Variants in NVL observed in about 807,000 individuals in gnomAD.
The protein encoded by NVL is nuclear valosin-containing protein-like.
In NVL, 84 loss-of-function variants were observed where a neutral mutation model predicts 110.2. The observed-to-expected ratio is 0.76, with a 90% CI of 0.64 to 0.91. The LOEUF (loss-of-function observed/expected upper bound fraction) is 0.91. Among genes scored for constraint, NVL ranks in the 40% least tolerant of loss-of-function variants. NVL has a pLI of 0.00. For missense variants in NVL, 882 were observed against 1,035.9 expected (o/e 0.85, Z 2.04); for synonymous variants, 354 against 361.1 (o/e 0.98, Z 0.22).
intron 10 of NVL, among the ~76,000 whole-genome samples, chr1:224,298,798 CAGTT>C (rs1485369194): frequency 6.6e-6 from 1 of 152,062 alleles, no homozygotes; most frequent in Non-Finnish European, 1.5e-5. Flanking sequence ...ACAAATTACT[CAGTT>C]GGTTAGAAAA....
At chr1:224,237,260 AAGAAAT>A (rs1388199251) in intron 19 of NVL, among the ~76,000 whole-genome samples, 2 of 152,226 alleles carry the variant, frequency 1.3e-5, no homozygotes, top group Non-Finnish European at 2.9e-5. Context: ...GCTAGGACGG[AAGAAAT>A]AATACTGAAC....
At chr1:224,230,034 G>A (rs976753425) in intron 22 of NVL, among the ~76,000 whole-genome samples, 1 of 151,970 alleles carries the variant, frequency 6.6e-6, no homozygotes, top group African/African-American at 2.4e-5. Flanking sequence ...GTCTCACCAT[G>A]TTGCCCAGGC....
chr1:224,328,912 A>G (rs1156561641), intron 1 of NVL, among the ~76,000 whole-genome samples: 1 of 152,170 alleles, frequency 6.6e-6, no homozygotes, highest in Non-Finnish European at 1.5e-5. Context: ...GTTAGCAGTC[A>G]TAAATATACA....
intron 11 of NVL, 140 bp from the exon 12 acceptor site, chr1:224,294,551 T>C (rs1204641214): frequency 2.7e-6 from 2 of 753,796 alleles, no homozygotes; most frequent in Non-Finnish European, 4.3e-6. Context: ...ATTTATTAAA[T>C]GTCAAATATG....
rs1670616371 is a variant in NVL, at chr1:224,321,268, T to TA, written c.132-3339dup. Among the ~76,000 whole-genome samples the TA allele has an allele frequency of 2.6e-5, 4 of 151,816 alleles. No individual in the cohort carries two copies. The South Asian group carries it at 8.3e-4, about 32-fold the overall frequency. ...TCCAAAAAATAAATAAATAATTAAT[T>TA]AAAAATTAAACAAAGAGAGAAAGAA... On this transcript the variant is annotated intron_variant, in intron 2 of 22. Coordinates refer to ENST00000281701, the MANE Select transcript of NVL (RefSeq NM_002533.4).
intron 22 of NVL, among the ~76,000 whole-genome samples, chr1:224,228,924 CAAAA>C (rs368485856): frequency 2.4e-5 from 2 of 81,686 alleles, no homozygotes; most frequent in African/African-American, 1.0e-4. Flanking sequence ...GACTCCGTCT[CAAAA>C]AAAAAAAAAA....
At chr1:224,251,752 C>A (rs1229464145) in intron 18 of NVL, among the ~76,000 whole-genome samples, 2 of 152,140 alleles carry the variant, frequency 1.3e-5, no homozygotes, top group African/African-American at 4.8e-5. Context: ...ATAATGATCA[C>A]CACACCACTC....
At chr1:224,328,111 G>A (rs1161703606) in intron 1 of NVL, among the ~76,000 whole-genome samples, 1 of 152,038 alleles carries the variant, frequency 6.6e-6, no homozygotes, top group African/African-American at 2.4e-5. Flanking sequence ...TGGGATACAT[G>A]TGCAGAACAT....
intron 14 of NVL, among the ~76,000 whole-genome samples, 161 bp downstream of exon 14, chr1:224,287,614 A>T (rs1164577193): frequency 2.0e-5 from 3 of 152,192 alleles, no homozygotes; most frequent in Admixed American, 2.0e-4. Context: ...AAGAAAAACC[A>T]TTGTTGGGGG....
At chr1:224,264,535 C>T (rs946598521) in intron 18 of NVL, among the ~76,000 whole-genome samples, 1 of 152,092 alleles carries the variant, frequency 6.6e-6, no homozygotes, top group South Asian at 2.1e-4. Context: ...GTCACTGCAT[C>T]CAGCCACAAA....
chr1:224,305,517 T>A (rs1040554688), intron 6 of NVL: 1 of 171,266 alleles, frequency 5.8e-6, no homozygotes, highest in African/African-American at 2.4e-5. Context: ...ATCTTAACAT[T>A]TGAATGCCGC....
At chr1:224,278,231 T>C (rs1332918247) in intron 16 of NVL, among the ~76,000 whole-genome samples, 2 of 145,272 alleles carry the variant, frequency 1.4e-5, no homozygotes, top group African/African-American at 5.1e-5. Context: ...CTAATCTTTT[T>C]TTTTTTTTTT....
intron 13 of NVL, 116 bp from the exon 14 acceptor site, chr1:224,288,109 C>T (rs576550605): frequency 1.1e-5 from 8 of 702,866 alleles, no homozygotes; most frequent in South Asian, 3.9e-5. Context: ...CTATCCTGAA[C>T]GTCTATGTAT....
chr1:224,271,484 C>A (rs1303171415), intron 17 of NVL, among the ~76,000 whole-genome samples: 1 of 151,948 alleles, frequency 6.6e-6, no homozygotes, highest in African/African-American at 2.4e-5. Flanking sequence ...CAGGGTAAGA[C>A]CCTGTCTCAA....
intron 8 of NVL, among the ~76,000 whole-genome samples, chr1:224,304,152 C>T (rs4653575): frequency 0.86 from 130,952 of 152,114 alleles, 57,713 homozygotes; most frequent in Non-Finnish European, 0.94. Flanking sequence ...TACGGCCAGG[C>T]ATGGTGGCTC....
At chr1:224,236,769 G>A in intron 19 of NVL, 187 bp from the exon 20 acceptor site, 1 of 479,386 alleles carries the variant, frequency 2.1e-6, no homozygotes, top group Non-Finnish European at 3.9e-6. Flanking sequence ...AAATTAGCTG[G>A]GCGTTATGGT....
intron 18 of NVL, among the ~76,000 whole-genome samples, chr1:224,261,705 A>C (rs910370705): frequency 6.6e-6 from 1 of 152,200 alleles, no homozygotes. Flanking sequence ...TAATCCCAGC[A>C]CATTGTGAGG....
intron 17 of NVL, among the ~76,000 whole-genome samples, chr1:224,275,026 ATGT>A: frequency 6.6e-6 from 1 of 152,344 alleles, no homozygotes; most frequent in Non-Finnish European, 1.5e-5. Flanking sequence ...TAGCTCAAGA[ATGT>A]TGTAGGATTA....
intron 19 of NVL, among the ~76,000 whole-genome samples, chr1:224,239,930 G>A (rs998705672): frequency 4.6e-5 from 7 of 151,996 alleles, no homozygotes; most frequent in African/African-American, 9.7e-5. Context: ...TTTCTGTCTC[G>A]CTGTGTCACC....
Sources: allele counts gnomAD v4.1 joint callset (sites outside exome capture counted in the v4.1 genomes callset), GRCh38; gene constraint gnomAD v4.1.1; transcripts MANE v1.5; gene names NCBI Gene and HGNC (gene_info 2026-07-23, HGNC 2026-07-21).